Variants in SEL1L observed in about 807,000 individuals in gnomAD.
SEL1L encodes protein sel-1 homolog 1.
Under a neutral mutation model 109.8 loss-of-function variants are expected in SEL1L, and 52 were observed. That is an observed-to-expected ratio of 0.47 (90% CI 0.38 to 0.60). SEL1L has a LOEUF of 0.60. Among genes scored for constraint, SEL1L ranks in the 20% least tolerant of loss-of-function variants. The pLI is 0.00. For missense variants in SEL1L, 749 were observed against 962.2 expected (o/e 0.78, Z 2.93); for synonymous variants, 373 against 339.6 (o/e 1.10, Z -1.08).
rs1008125368 is a variant in SEL1L, at chr14:81,485,581, A to G, written c.1873+91T>C. On this transcript the variant is annotated intron_variant, in intron 18 of 20. Coordinates refer to ENST00000336735, the MANE Select transcript of SEL1L (RefSeq NM_005065.6). ...TGCTAGGGTTACAGGCGTGAGCCAC[A>G]GTACTCGGCTTCATGATTTAATGTT... 6 of 1,106,058 alleles carry G rather than the reference A, an allele frequency of 5.4e-6. No individual in the cohort carries two copies. The East Asian group carries it at 1.4e-4, about 26-fold the overall frequency. 68.5% of individuals were successfully genotyped at this position (1,106,058 alleles called of 1,614,324 possible).
chr14:81,512,260 G>A (rs1317171111), intron 3 of SEL1L, among the ~76,000 whole-genome samples: 1 of 152,204 alleles, frequency 6.6e-6, no homozygotes, highest in Non-Finnish European at 1.5e-5. Flanking sequence ...ACCCTATGAG[G>A]AAGAAATTCT....
chr14:81,481,109 C>T (rs910391177), intron 19 of SEL1L, among the ~76,000 whole-genome samples: 6 of 152,010 alleles, frequency 3.9e-5, no homozygotes, highest in African/African-American at 1.4e-4. Context: ...CTTGTGTTTC[C>T]CTGTGTTAGA....
chr14:81,503,156 C>T (rs757336425), intron 5 of SEL1L, among the ~76,000 whole-genome samples: 17 of 151,864 alleles, frequency 1.1e-4, no homozygotes, highest in Non-Finnish European at 2.2e-4. Context: ...CCGTGCCTGG[C>T]TAATTTTGTA....
At chr14:81,500,182 A>G (rs1199161548) in intron 6 of SEL1L, among the ~76,000 whole-genome samples, 1 of 151,924 alleles carries the variant, frequency 6.6e-6, no homozygotes, top group African/African-American at 2.4e-5. Context: ...AACTGCTGAG[A>G]TTACAGGGGT....
chr14:81,497,355 C>A (rs897521532), intron 10 of SEL1L, among the ~76,000 whole-genome samples: 5 of 152,106 alleles, frequency 3.3e-5, no homozygotes, highest in Admixed American at 6.5e-5. Flanking sequence ...TCAAAAGAAG[C>A]CACGAAACCT....
chr14:81,512,218 T>A (rs980324257), intron 3 of SEL1L, among the ~76,000 whole-genome samples: 1 of 152,158 alleles, frequency 6.6e-6, no homozygotes, highest in African/African-American at 2.4e-5. Context: ...CCTCACCCAA[T>A]CAGTTGAAGG....
rs775488468 is a variant in SEL1L at position 81,495,148 on chromosome 14, T to A, written c.1129-11A>T. ...TTGTCCAAGACCAACCTGAAAATGA[T>A]CACAAACAAGGCAAAAGTAAGTGGT... On this transcript the variant is annotated splice_polypyrimidine_tract_variant and intron_variant, in intron 10 of 20. Transcript: ENST00000336735. 11 of 1,613,630 alleles carry A rather than the reference T, an allele frequency of 6.8e-6. No individual in the cohort carries two copies. In the African/African-American group the frequency reaches 1.3e-4, roughly 20 times the overall value.
At chr14:81,530,900 G>A (rs1397556333) in intron 1 of SEL1L, among the ~76,000 whole-genome samples, 1 of 152,090 alleles carries the variant, frequency 6.6e-6, no homozygotes. Context: ...GACTACTGTA[G>A]GCAACTGTAA....
At chr14:81,499,903 CTT>C (rs67769195) in intron 6 of SEL1L, among the ~76,000 whole-genome samples, 108 of 119,154 alleles carry the variant, frequency 9.1e-4, no homozygotes, top group African/African-American at 3.0e-3. Context: ...TTATTTGTGG[CTT>C]TTTTTTTTTT....
At chr14:81,505,012 T>C (rs1190328676) in intron 4 of SEL1L, among the ~76,000 whole-genome samples, 1 of 152,134 alleles carries the variant, frequency 6.6e-6, no homozygotes, top group East Asian at 1.9e-4. Flanking sequence ...AATTTCCCAG[T>C]CTCAGGTATT....
At chr14:81,533,582 G>A in intron 1 of SEL1L, 93 bp downstream of exon 1, 3 of 1,210,742 alleles carry the variant, frequency 2.5e-6, no homozygotes, top group Admixed American at 4.0e-5. Flanking sequence ...AGGGAGAACG[G>A]GGTCCCGAGC....
chr14:81,486,958 TTTTC>T (rs1246527070), intron 16 of SEL1L, among the ~76,000 whole-genome samples: 51 of 149,988 alleles, frequency 3.4e-4, no homozygotes, highest in South Asian at 1.5e-3. Context: ...TTCAACTTCT[TTTTC>T]TTTCTTTCTT....
intron 20 of SEL1L, among the ~76,000 whole-genome samples, 155 bp from the exon 21 acceptor site, chr14:81,477,336 T>TG (rs1555412243): frequency 1.4e-4 from 21 of 151,392 alleles, no homozygotes; most frequent in Non-Finnish European, 2.1e-4. Context: ...TGTGTGTGTG[T>TG]TTAAAGCGGT....
At position 81,495,140 on chromosome 14, in the gene SEL1L, G is replaced by A. The variant is rs769547485; in HGVS notation, c.1129-3C>T. ...AGGTGCAGTTGTCCAAGACCAACCT[G>A]AAAATGATCACAAACAAGGCAAAAG... On this transcript the variant is annotated splice_polypyrimidine_tract_variant and splice_region_variant and intron_variant, in intron 10 of 20. Coordinates refer to ENST00000336735, the MANE Select transcript of SEL1L (RefSeq NM_005065.6). 3 of 1,613,724 alleles carry A rather than the reference G, an allele frequency of 1.9e-6. No individual in the cohort carries two copies. The highest frequency in any genetic ancestry group is 1.3e-5 in the African/African-American group (1 of 74,912).
chr14:81,502,966 T>C (rs1404084945), intron 5 of SEL1L, 83 bp from the exon 6 acceptor site: 2 of 1,097,266 alleles, frequency 1.8e-6, no homozygotes, highest in South Asian at 1.7e-5. Flanking sequence ...AAACGCAACA[T>C]AAATAATTTC....
At chr14:81,520,841 TCA>T (rs1198387408) in intron 3 of SEL1L, among the ~76,000 whole-genome samples, 14 of 152,178 alleles carry the variant, frequency 9.2e-5, no homozygotes, top group Admixed American at 2.6e-4. Context: ...TATGTAATTA[TCA>T]AAGAAGAAAC....
chr14:81,487,354 A>G, intron 16 of SEL1L, 36 bp downstream of exon 16: 1 of 1,528,944 alleles, frequency 6.5e-7, no homozygotes, highest in South Asian at 1.3e-5. Flanking sequence ...TGGGCAAATC[A>G]ACTCCCTACA....
intron 19 of SEL1L, among the ~76,000 whole-genome samples, 195 bp downstream of exon 19, chr14:81,484,030 C>T (rs547579815): frequency 1.3e-5 from 2 of 152,260 alleles, no homozygotes; most frequent in South Asian, 4.1e-4. Context: ...AATAAAACAG[C>T]GTGGATAGCA....
intron 19 of SEL1L, among the ~76,000 whole-genome samples, chr14:81,480,411 G>A (rs947958897): frequency 1.3e-5 from 2 of 152,074 alleles, no homozygotes; most frequent in Admixed American, 1.3e-4. Context: ...GGATGGTCTC[G>A]ATCTCCTGAC....
Sources: allele counts gnomAD v4.1 joint callset (sites outside exome capture counted in the v4.1 genomes callset), GRCh38; gene constraint gnomAD v4.1.1; transcripts MANE v1.5; gene names NCBI Gene and HGNC (gene_info 2026-07-23, HGNC 2026-07-21).